Variants in SNTB1 observed in about 807,000 individuals in gnomAD.
SNTB1 encodes the protein syntrophin beta 1, also known as beta-1-syntrophin.
A neutral mutation model predicts 48.9 loss-of-function variants in SNTB1; 36 were observed. That is an observed-to-expected ratio of 0.74 (90% CI 0.56 to 0.97). SNTB1 has a LOEUF of 0.97. Ranked by LOEUF, SNTB1 falls within the 50% of genes least tolerant of loss-of-function variation. SNTB1 has a pLI of 0.00. For synonymous variants in SNTB1, 299 were observed against 294.6 expected (o/e 1.01, Z -0.15); for missense variants, 786 against 703.4 (o/e 1.12, Z -1.33).
chr8:120,661,115 T>C (rs1817581082), intron 2 of SNTB1, among the ~76,000 whole-genome samples: 1 of 151,794 alleles, frequency 6.6e-6, no homozygotes, highest in Admixed American at 6.6e-5. Context: ...GACACAGAGA[T>C]ACAAAGTGTG....
intron 2 of SNTB1, among the ~76,000 whole-genome samples, chr8:120,677,256 G>T (rs1587082192): frequency 6.6e-6 from 1 of 152,016 alleles, no homozygotes; most frequent in African/African-American, 2.4e-5. Flanking sequence ...CTGACAGCAG[G>T]CCAGAGAACT....
intron 2 of SNTB1, among the ~76,000 whole-genome samples, chr8:120,691,234 T>G (rs1818122502): frequency 6.6e-6 from 1 of 152,190 alleles, no homozygotes; most frequent in African/African-American, 2.4e-5. Context: ...CTATTCAAAT[T>G]TTCTCCCTAG....
chr8:120,663,029 G>T (rs555884757), intron 2 of SNTB1, among the ~76,000 whole-genome samples: 8 of 144,994 alleles, frequency 5.5e-5, no homozygotes, highest in East Asian at 2.3e-4. Flanking sequence ...GCTGGTGGGG[G>T]GGGTATTTGG....
intron 2 of SNTB1, among the ~76,000 whole-genome samples, chr8:120,657,581 A>T (rs1270372692): frequency 6.6e-6 from 1 of 152,286 alleles, no homozygotes; most frequent in East Asian, 1.9e-4. Flanking sequence ...CTCTCCAAAA[A>T]TAGGCCACTT....
chr8:120,645,303 C>G (rs899570896), intron 2 of SNTB1, among the ~76,000 whole-genome samples: 6 of 150,678 alleles, frequency 4.0e-5, no homozygotes, highest in Non-Finnish European at 7.4e-5. Flanking sequence ...TTAGGTCTAA[C>G]GTTTAAGTCT....
At chr8:120,731,658 C>T (rs1163877662) in intron 1 of SNTB1, among the ~76,000 whole-genome samples, 2 of 152,172 alleles carry the variant, frequency 1.3e-5, no homozygotes, top group East Asian at 1.9e-4. Flanking sequence ...TTTTACATGG[C>T]AGGGGCAGAA....
chr8:120,548,121 T>C (rs1418295912), intron 5 of SNTB1, among the ~76,000 whole-genome samples: 1 of 152,058 alleles, frequency 6.6e-6, no homozygotes, highest in Non-Finnish European at 1.5e-5. Flanking sequence ...TTTAAAATAG[T>C]GCGGCACTTT....
intron 1 of SNTB1, among the ~76,000 whole-genome samples, chr8:120,742,629 G>A (rs1819058695): frequency 6.6e-6 from 1 of 152,146 alleles, no homozygotes; most frequent in African/African-American, 2.4e-5. Flanking sequence ...TATGGGCAGT[G>A]TTTCATTCAG....
In SNTB1 at chr8:120,732,701, C is replaced by G. The variant is rs140117510; in HGVS notation, c.572-38793G>C. 4.6e-5 allele frequency among the ~76,000 whole-genome samples: 7 copies of G among 152,240 alleles called. No individual in the cohort carries two copies. The South Asian group carries it at 1.5e-3, about 32-fold the overall frequency. ...CTCTATTAAACGTACAAAAATTTAG[C>G]TGGGCATGTTGGCGCATGCCTGTAA... On this transcript the variant is annotated intron_variant, in intron 1 of 6. Coordinates refer to ENST00000517992, the MANE Select transcript of SNTB1 (RefSeq NM_021021.4).
At chr8:120,700,979 T>C (rs530499598) in intron 1 of SNTB1, among the ~76,000 whole-genome samples, 1 of 152,030 alleles carries the variant, frequency 6.6e-6, no homozygotes, top group African/African-American at 2.4e-5. Context: ...AACACAAATG[T>C]GGAGTTTTAA....
At chr8:120,678,586 T>A (rs1205425025) in intron 2 of SNTB1, among the ~76,000 whole-genome samples, 1 of 152,234 alleles carries the variant, frequency 6.6e-6, no homozygotes, top group East Asian at 1.9e-4. Flanking sequence ...AAAACTCTTT[T>A]ATTAAACAAC....
At chr8:120,713,170 T>C (rs1390483622) in intron 1 of SNTB1, among the ~76,000 whole-genome samples, 1 of 152,184 alleles carries the variant, frequency 6.6e-6, no homozygotes, top group East Asian at 1.9e-4. Flanking sequence ...ACTCATTTCA[T>C]CTTTCTAAAG....
intron 1 of SNTB1, among the ~76,000 whole-genome samples, chr8:120,809,905 C>G (rs567308628): frequency 2.0e-5 from 3 of 152,168 alleles, no homozygotes; most frequent in African/African-American, 7.2e-5. Flanking sequence ...GGAGGTGGAC[C>G]GTGACATACC....
intron 2 of SNTB1, among the ~76,000 whole-genome samples, chr8:120,649,666 A>G (rs1393306183): frequency 6.6e-6 from 1 of 151,216 alleles, no homozygotes; most frequent in African/African-American, 2.4e-5. Context: ...AGAGGCAGGC[A>G]GGCCTCCTTG....
At chr8:120,662,114 T>C (rs1246182403) in intron 2 of SNTB1, among the ~76,000 whole-genome samples, 4 of 152,206 alleles carry the variant, frequency 2.6e-5, no homozygotes, top group African/African-American at 9.6e-5. Context: ...ACCTCTTTTG[T>C]AGATAGCAAT....
intron 4 of SNTB1, among the ~76,000 whole-genome samples, chr8:120,554,862 T>C (rs1345397942): frequency 6.6e-6 from 1 of 152,188 alleles, no homozygotes; most frequent in African/African-American, 2.4e-5. Context: ...GTTGAAGTTA[T>C]AGGATCTTTT....
Position 120,601,858 on chromosome 8 carries a change from G to T in SNTB1, c.997-26633C>A, listed in dbSNP as rs377240213. Among the ~76,000 whole-genome samples, 11 of 152,246 alleles carry T rather than the reference G, an allele frequency of 7.2e-5. 1 individual carries two copies. In the East Asian group the frequency reaches 1.7e-3, roughly 24 times the overall value. On this transcript the variant is annotated intron_variant, in intron 3 of 6. Coordinates refer to ENST00000517992, the MANE Select transcript of SNTB1 (RefSeq NM_021021.4). ...GTTTTCCACTTGGTTCAGTCATCCC[G>T]GGCTTGGCTTTACAGCCCTCAGACA... is the stretch of plus-strand genomic sequence containing the variant.
chr8:120,715,793 G>A (rs1026904559), intron 1 of SNTB1, among the ~76,000 whole-genome samples: 3 of 151,818 alleles, frequency 2.0e-5, no homozygotes, highest in African/African-American at 7.3e-5. Context: ...CCCTTTATTC[G>A]TGATGCCGTC....
intron 2 of SNTB1, among the ~76,000 whole-genome samples, chr8:120,650,402 A>C (rs1189490867): frequency 6.6e-6 from 1 of 152,178 alleles, no homozygotes; most frequent in Non-Finnish European, 1.5e-5. Flanking sequence ...AAAAAGTGCC[A>C]AATTATTTGT....
Sources: allele counts gnomAD v4.1 joint callset (sites outside exome capture counted in the v4.1 genomes callset), GRCh38; gene constraint gnomAD v4.1.1; transcripts MANE v1.5; gene names NCBI Gene and HGNC (gene_info 2026-07-23, HGNC 2026-07-21).